MUC6: variants seen among roughly 807,000 people sequenced by gnomAD.
MUC6 encodes the protein mucin-6.
In MUC6, 188 loss-of-function variants were observed where a neutral mutation model predicts 201.5. That is an observed-to-expected ratio of 0.93 (90% CI 0.83 to 1.05). The LOEUF is 1.05. MUC6 is among the 50% of genes least tolerant of loss of function. The pLI is 0.00. For missense variants in MUC6, 2,706 were observed against 3,256.9 expected (o/e 0.83, Z 4.12); for synonymous variants, 1,228 against 1,389.4 (o/e 0.88, Z 2.58).
chr11:1,026,054 G>A lies in MUC6; in HGVS notation c.2634C>T (p.Thr878=), dbSNP rs763826878. Residue 878 remains threonine (T), a synonymous_variant, in exon 21 of 33, where the codon ACC becomes ACT. Coordinates refer to ENST00000421673, the MANE Select transcript of MUC6 (RefSeq NM_005961.3). ...CTLYGEGHVI[T]FDGQRFVFDG... is the part of the protein sequence containing the mutation. ...CGAATACGAAGCGCTGGCCGTCGAA[G>A]GTGATGACGTGGCCCTCCCCGTAGA... 5 of 1,594,318 alleles carry A rather than the reference G, an allele frequency of 3.1e-6. No homozygotes were observed. In the African/African-American group the frequency reaches 4.0e-5, roughly 13 times the overall value.
rs752301400 is a variant in MUC6, at chr11:1,019,478, G to A, written c.3827C>T (p.Thr1276Met). The change falls in exon 30 of 33, where the codon ACG becomes ATG. Residue 1276 changes from threonine to methionine, a missense_variant. Thr to Met is a moderately conservative substitution (Grantham distance 81, BLOSUM62 -1). Coordinates refer to ENST00000421673, the MANE Select transcript of MUC6 (RefSeq NM_005961.3). ...TGATGTGGCTTGTGGGGTGACGGCC[G>A]TGGTTGGTCTAGGTGGTTCTGCAGA... ...ASSGEPPRPT[T>M]AVTPQATSGL... 3.5e-5 allele frequency: 56 copies of A among 1,613,646 alleles called. No homozygotes were observed. Among genetic ancestry groups the A allele is most frequent in the Middle Eastern group, 1.7e-4 (1 of 5,942 alleles).
chr11:1,018,701 G>C lies in MUC6; in HGVS notation c.4100C>G (p.Ala1367Gly), dbSNP rs769126909. The change falls in exon 31 of 33, where the codon GCA becomes GGA. Residue 1367 changes from alanine to glycine, a missense_variant. Transcript: ENST00000421673. ...TGGGGTGGTTGGGCCTGTGGTGCTT[G>C]CTGGGGTTGGACGTGGGCCTGTCGT... ...TQTTGPRPTP[A>G]STTGPTTPQP... is the part of the protein sequence containing the mutation. 9 of 1,608,300 alleles carry C rather than the reference G, an allele frequency of 5.6e-6. No homozygotes were observed. The highest frequency in any genetic ancestry group is 5.5e-5 in the South Asian group (5 of 90,516).
chr11:1,014,029 G>A (rs1436685688), intron 31 of MUC6, 28 bp from the exon 32 acceptor site: 13 of 1,569,938 alleles, frequency 8.3e-6, no homozygotes, highest in East Asian at 7.0e-5. Flanking sequence ...GGTCAGCAGC[G>A]CCCAGGGTGG....
At chr11:1,019,177 A>T in intron 30 of MUC6, 98 bp downstream of exon 30, 4 of 1,360,948 alleles carry the variant, frequency 2.9e-6, no homozygotes, top group Non-Finnish European at 4.1e-6. Flanking sequence ...CCCTCTGGGA[A>T]ATACGGGGTC....
chr11:1,032,947 C>A (rs1271779190), intron 2 of MUC6, 66 bp downstream of exon 2: 3 of 1,450,636 alleles, frequency 2.1e-6, no homozygotes, highest in East Asian at 2.3e-5. Flanking sequence ...GGCTCCGGGC[C>A]CCTCTCTCCT....
rs1295283957 is a variant in MUC6, at chr11:1,026,027, G to A, written c.2661C>T (p.Asp887=). Residue 887 remains aspartate, a synonymous_variant, in exon 21 of 33, where the codon GAC becomes GAT. Coordinates refer to ENST00000421673, the MANE Select transcript of MUC6 (RefSeq NM_005961.3). ...TGGCCAGGATGTACTCGCAGTTGCC[G>A]TCGAATACGAAGCGCTGGCCGTCGA... ...ITFDGQRFVF[D]GNCEYILATD... The A allele has an allele frequency of 3.1e-5, 49 of 1,588,044 alleles. No individual in the cohort carries two copies. Among genetic ancestry groups the A allele is most frequent in the South Asian group, 6.9e-5 (6 of 87,390 alleles).
intron 26 of MUC6, among the ~76,000 whole-genome samples, chr11:1,021,984 T>G (rs1856818342): frequency 6.6e-6 from 1 of 151,144 alleles, no homozygotes. Context: ...CAAAGACCCC[T>G]CCCTCCCGGC....
rs754203574 is a variant in MUC6, at chr11:1,013,583, G to A, written c.7193C>T (p.Pro2398Leu). 9.5e-6 allele frequency: 15 copies of A among 1,570,980 alleles called. No homozygotes were observed. The highest frequency in any genetic ancestry group is 1.9e-5 in the Admixed American group (1 of 53,304). ...QVDARCSCCR[P>L]LHSYEQQLEL... ...CAGCTGCTGCTCATAGGAGTGGAGG[G>A]GGCGGCAGCAGCTGCAGCGGGCATC... is the stretch of plus-strand genomic sequence containing the variant. The change falls in exon 33 of 33, where the codon CCC (proline) becomes CTC (leucine). Residue 2398 changes from proline to leucine, a missense_variant. Coordinates refer to ENST00000421673, the MANE Select transcript of MUC6 (RefSeq NM_005961.3).
chr11:1,020,391 G>A (rs1856779863), intron 28 of MUC6, 134 bp from the exon 29 acceptor site: 6 of 1,241,628 alleles, frequency 4.8e-6, no homozygotes, highest in Non-Finnish European at 6.6e-6. Context: ...GGGCTGGCCT[G>A]TGGCACTCTG....
chr11:1,026,200 G>A, intron 20 of MUC6, 59 bp from the exon 21 acceptor site: 11 of 1,549,772 alleles, frequency 7.1e-6, no homozygotes, highest in Non-Finnish European at 9.6e-6. Context: ...ACTGGGTGTG[G>A]TCCCTGGAGA....
chr11:1,021,054 C>T (rs1856794077), intron 27 of MUC6, among the ~76,000 whole-genome samples, 161 bp downstream of exon 27: 2 of 152,208 alleles, frequency 1.3e-5, no homozygotes, highest in South Asian at 2.1e-4. Flanking sequence ...GCCTGAGTCT[C>T]TGGAGACCCA....
intron 1 of MUC6, among the ~76,000 whole-genome samples, chr11:1,036,220 A>T (rs914520597): frequency 1.3e-5 from 2 of 151,928 alleles, no homozygotes; most frequent in Admixed American, 6.5e-5. Context: ...CACTCCAGAG[A>T]CCTCTCAGGA....
chr11:1,030,394 A>G, intron 7 of MUC6, 59 bp from the exon 8 acceptor site: 3 of 754,120 alleles, frequency 4.0e-6, no homozygotes, highest in Non-Finnish European at 3.5e-6. Flanking sequence ...TCCCTGCCCC[A>G]CCCCAGCTTG....
At position 1,013,466 on chromosome 11, in the gene MUC6, C is replaced by T. The variant is rs1856524689; in HGVS notation, c.7310G>A (p.Cys2437Tyr). 10 of 1,581,400 alleles carry T rather than the reference C, an allele frequency of 6.3e-6. No individual in the cohort carries two copies. In the East Asian group the frequency reaches 7.0e-5, roughly 11 times the overall value. Reference sequence around the variant, plus strand: ...CAGGCAGCGACCCTGCTAGTCTCCACAGGCCACAGAGCTGCACACGCAGTG... The same window carrying T: ...CAGGCAGCGACCCTGCTAGTCTCCATAGGCCACAGAGCTGCACACGCAGTG... ...FSHCVCSSVA[C>Y]GD Residue 2437 changes from cysteine to tyrosine, a missense_variant, in exon 33 of 33, where the codon TGT becomes TAT. By Grantham distance (194) the Cys-to-Tyr change is radical. Transcript: ENST00000421673.
chr11:1,024,780 T>TTCCCCCGCCCCC (rs1856910731), intron 24 of MUC6, 64 bp downstream of exon 24: 3 of 1,211,268 alleles, frequency 2.5e-6, no homozygotes, highest in Non-Finnish European at 3.5e-6. Context: ...TCCCCGCCCC[T>TTCCCCCGCCCCC]TCCCCCGCCC....
At chr11:1,022,304 A>C (rs1590045293) in intron 26 of MUC6, among the ~76,000 whole-genome samples, 3 of 90,022 alleles carry the variant, frequency 3.3e-5, no homozygotes, top group South Asian at 4.0e-4. Flanking sequence ...CGCGCCCCTC[A>C]CTCACTCCAT....
At chr11:1,035,777 G>A (rs1857202864) in intron 1 of MUC6, among the ~76,000 whole-genome samples, 1 of 152,156 alleles carries the variant, frequency 6.6e-6, no homozygotes, top group African/African-American at 2.4e-5. Flanking sequence ...CACCCCAGGG[G>A]GCTCCCGGCT....
chr11:1,026,090 G>A lies in MUC6; in HGVS notation c.2598C>T (p.Ser866=), dbSNP rs1489720171. 1 of 1,600,116 alleles carries A rather than the reference G, an allele frequency of 6.2e-7. No homozygotes were observed. Among genetic ancestry groups the A allele is most frequent in the Non-Finnish European group, 8.5e-7 (1 of 1,174,138 alleles). Residue 866 remains serine, a synonymous_variant, in exon 21 of 33, where the codon TCC becomes TCT. Transcript: ENST00000421673. ...GGCCCTCCCCGTAGAGGGTGCAGGT[G>A]GATGGGCAGTGGGTGCCCTGCTGAC... ...WACQQGTHCP[S]TCTLYGEGHV... is the part of the protein sequence containing the mutation.
intron 1 of MUC6, among the ~76,000 whole-genome samples, chr11:1,035,560 G>A (rs777799218): frequency 2.5e-4 from 38 of 151,630 alleles, no homozygotes; most frequent in Non-Finnish European, 3.7e-4. Context: ...CCGGCGTGGT[G>A]GGGAGCGAGC....
Sources: gnomAD v4.1 joint callset for allele counts (sites outside exome capture counted in the v4.1 genomes callset) on GRCh38, gnomAD v4.1.1 for gene constraint, MANE v1.5 for transcripts, NCBI Gene and HGNC (gene_info 2026-07-23, HGNC 2026-07-21) for gene names.